The following EXT1 variants were observed in gnomAD, a reference collection of about 807,000 sequenced individuals.
The protein encoded by EXT1 is exostosin glycosyltransferase 1.
Under a neutral mutation model 82.5 loss-of-function variants are expected in EXT1, and 20 were observed. The observed-to-expected ratio is 0.24, with a 90% CI of 0.17 to 0.35. The LOEUF is 0.35. Ranked by LOEUF, EXT1 falls within the 10% of genes least tolerant of loss-of-function variation. EXT1 has a pLI of 1.00. For synonymous variants in EXT1, 348 were observed against 350.8 expected (o/e 0.99, Z 0.09); for missense variants, 757 against 936.5 (o/e 0.81, Z 2.50).
In EXT1 at chr8:118,110,267, C is replaced by T. The variant is rs2130041809; in HGVS notation, c.780G>A (p.Arg260=). 2 of 1,614,126 alleles carry T rather than the reference C, an allele frequency of 1.2e-6. No homozygotes were observed. The highest frequency in any genetic ancestry group is 1.7e-6 in the Non-Finnish European group (2 of 1,180,042). ...FLKFNTIPPL[R]KYMLVFKGKR... ...TCCCCTTGAATACCAGCATGTACTT[C>T]CTGAGAGGAGGGATGGTGTTGAACT... Residue 260 remains arginine, a synonymous_variant, in exon 1 of 11, where the codon AGG becomes AGA. Coordinates refer to ENST00000378204, the MANE Select transcript of EXT1 (RefSeq NM_000127.3).
chr8:117,979,393 A>C (rs1815137904), intron 1 of EXT1, among the ~76,000 whole-genome samples: 1 of 151,932 alleles, frequency 6.6e-6, no homozygotes, highest in South Asian at 2.1e-4. Flanking sequence ...AAAACAAAAC[A>C]AAAAAAGATC....
intron 1 of EXT1, among the ~76,000 whole-genome samples, chr8:118,035,855 G>C (rs1326779365): frequency 3.3e-5 from 5 of 152,152 alleles, no homozygotes; most frequent in African/African-American, 1.2e-4. Context: ...TTTATGAGTT[G>C]TCTACTTTTC....
In EXT1 at chr8:117,994,647, C is replaced by T. The variant is rs528421434; in HGVS notation, c.962+115438G>A. ...GACTCTAGATCAGGTTTCTGAAGTCCTATATTTAAAAGAAATGACCAAGCC... is the reference window on the plus strand; with the variant it reads ...GACTCTAGATCAGGTTTCTGAAGTCTTATATTTAAAAGAAATGACCAAGCC... On this transcript the variant is annotated intron_variant, in intron 1 of 10. Transcript: ENST00000378204. 2.0e-5 allele frequency among the ~76,000 whole-genome samples: 3 copies of T among 152,184 alleles called. No homozygotes were observed. The East Asian group carries it at 5.8e-4, about 29-fold the overall frequency.
intron 1 of EXT1, among the ~76,000 whole-genome samples, chr8:117,985,078 T>C (rs1815289971): frequency 6.6e-6 from 1 of 152,020 alleles, no homozygotes; most frequent in Admixed American, 6.6e-5. Context: ...CCTGCCTGGC[T>C]CCCCAAGAAT....
At chr8:118,008,265 G>GT (rs367605253) in intron 1 of EXT1, among the ~76,000 whole-genome samples, 1 of 151,362 alleles carries the variant, frequency 6.6e-6, no homozygotes, top group South Asian at 2.1e-4. Context: ...ACTTTTTTTT[G>GT]TTTTTTTATT....
chr8:117,880,390 T>C (rs17450752), intron 1 of EXT1, among the ~76,000 whole-genome samples: 7,290 of 152,240 alleles, frequency 0.048, 414 homozygotes, highest in African/African-American at 0.14. Context: ...TGGAGTGTTC[T>C]TAAAATTGTT....
At chr8:118,016,205 A>G (rs1436484107) in intron 1 of EXT1, among the ~76,000 whole-genome samples, 1 of 152,222 alleles carries the variant, frequency 6.6e-6, no homozygotes, top group African/African-American at 2.4e-5. Flanking sequence ...CAGCCTGGCC[A>G]ACATGGAGAA....
At chr8:117,873,699 GC>G (rs1267575386) in intron 1 of EXT1, among the ~76,000 whole-genome samples, 1 of 152,040 alleles carries the variant, frequency 6.6e-6, no homozygotes, top group Non-Finnish European at 1.5e-5. Flanking sequence ...CATGTGATCT[GC>G]CCGCCTTGGA....
chr8:117,831,014 C>T (rs779275111), intron 3 of EXT1, among the ~76,000 whole-genome samples: 6 of 152,194 alleles, frequency 3.9e-5, no homozygotes, highest in Non-Finnish European at 7.3e-5. Context: ...GGACCTATAT[C>T]TTGTTATCCT....
chr8:117,937,369 CCTAAA>C (rs1177251247), intron 1 of EXT1, among the ~76,000 whole-genome samples: 7 of 152,180 alleles, frequency 4.6e-5, no homozygotes, highest in Non-Finnish European at 1.0e-4. Context: ...AAATATTCTT[CCTAAA>C]CTAATCAAAT....
intron 1 of EXT1, among the ~76,000 whole-genome samples, chr8:117,854,975 A>G (rs10090920): frequency 0.094 from 14,330 of 152,252 alleles, 934 homozygotes; most frequent in African/African-American, 0.19. Flanking sequence ...TTTGGTGCCC[A>G]TTGCAATGAG....
chr8:117,882,356 TAC>T (rs1373564594), intron 1 of EXT1, among the ~76,000 whole-genome samples: 1 of 152,182 alleles, frequency 6.6e-6, no homozygotes, highest in African/African-American at 2.4e-5. Context: ...GTGCTGGGAT[TAC>T]AGTCGTGAGC....
chr8:118,022,276 G>C lies in EXT1; in HGVS notation c.962+87809C>G, dbSNP rs574753643. On this transcript the variant is annotated intron_variant, in intron 1 of 10. Coordinates refer to ENST00000378204, the MANE Select transcript of EXT1 (RefSeq NM_000127.3). Reference sequence around the variant, plus strand: ...AAAGCAAGAAAAAAATTAATGCAGGGGGAGGCAATATATTAAAAAAAGATA... The same window carrying C: ...AAAGCAAGAAAAAAATTAATGCAGGCGGAGGCAATATATTAAAAAAAGATA... Among the ~76,000 whole-genome samples the C allele has an allele frequency of 2.6e-5, 4 of 151,162 alleles. No individual in the cohort carries two copies. In the South Asian group the frequency reaches 8.4e-4, roughly 32 times the overall value.
intron 1 of EXT1, among the ~76,000 whole-genome samples, chr8:117,849,141 C>T (rs1812414098): frequency 6.6e-6 from 1 of 152,192 alleles, no homozygotes; most frequent in Non-Finnish European, 1.5e-5. Context: ...TCTCAAGCTG[C>T]CTATAAGCAT....
At chr8:117,927,137 G>A (rs111890260) in intron 1 of EXT1, among the ~76,000 whole-genome samples, 20 of 152,242 alleles carry the variant, frequency 1.3e-4, no homozygotes, top group Non-Finnish European at 2.5e-4. Flanking sequence ...TACAAACACT[G>A]CAAGTCTGTC....
intron 1 of EXT1, among the ~76,000 whole-genome samples, chr8:117,899,719 G>A (rs1813407198): frequency 1.3e-5 from 2 of 152,198 alleles, no homozygotes; most frequent in Non-Finnish European, 2.9e-5. Context: ...TCAAGGAGTA[G>A]CAAGATAAAT....
chr8:118,018,226 T>C (rs894903720), intron 1 of EXT1, among the ~76,000 whole-genome samples: 2 of 152,136 alleles, frequency 1.3e-5, no homozygotes, highest in African/African-American at 4.8e-5. Context: ...TTAGTTAAGT[T>C]AGAATGAGGT....
At chr8:118,051,920 G>A (rs1563641088) in intron 1 of EXT1, among the ~76,000 whole-genome samples, 2 of 152,162 alleles carry the variant, frequency 1.3e-5, no homozygotes, top group African/African-American at 4.8e-5. Context: ...CTTGCTATTG[G>A]CCTTTGAAAG....
chr8:118,049,753 G>A (rs1816687824), intron 1 of EXT1, among the ~76,000 whole-genome samples: 1 of 152,166 alleles, frequency 6.6e-6, no homozygotes, highest in South Asian at 2.1e-4. Flanking sequence ...CTGGCCAAGG[G>A]AAGATTCAGT....
Sources: allele counts gnomAD v4.1 joint callset (sites outside exome capture counted in the v4.1 genomes callset), GRCh38; gene constraint gnomAD v4.1.1; transcripts MANE v1.5; gene names NCBI Gene and HGNC (gene_info 2026-07-23, HGNC 2026-07-21).